PITPNM2: variants seen among roughly 807,000 people sequenced by gnomAD.
The protein encoded by PITPNM2 is phosphatidylinositol transfer protein membrane associated 2, also known as membrane-associated phosphatidylinositol transfer protein 2.
Under a neutral mutation model 132.2 loss-of-function variants are expected in PITPNM2, and 35 were observed. The ratio of observed to expected loss-of-function variants is 0.26; its 90% CI spans 0.20 to 0.35. The LOEUF is 0.35. PITPNM2 is among the 10% of genes least tolerant of loss of function. PITPNM2 has a pLI of 1.00. For synonymous variants in PITPNM2, 738 were observed against 799.2 expected (o/e 0.92, Z 1.29); for missense variants, 1,332 against 1,912.0 (o/e 0.70, Z 5.66).
chr12:123,041,504 C>T (rs1256366882), intron 2 of PITPNM2, among the ~76,000 whole-genome samples: 1 of 152,166 alleles, frequency 6.6e-6, no homozygotes, highest in Non-Finnish European at 1.5e-5. Flanking sequence ...CATGGCAGAC[C>T]CTCCCGTATC....
At chr12:123,135,223 C>T (rs916076806) in intron 1 of PITPNM2, among the ~76,000 whole-genome samples, 6 of 152,114 alleles carry the variant, frequency 3.9e-5, no homozygotes, top group African/African-American at 1.4e-4. Context: ...TTCCCGGTGG[C>T]AGGAACAAAC....
At chr12:123,118,155 A>G (rs1407265010) in intron 1 of PITPNM2, among the ~76,000 whole-genome samples, 1 of 152,274 alleles carries the variant, frequency 6.6e-6, no homozygotes, top group African/African-American at 2.4e-5. Flanking sequence ...CTTAACTAAT[A>G]CATTCACCAA....
At chr12:123,122,561 C>A (rs1222755724) in intron 1 of PITPNM2, among the ~76,000 whole-genome samples, 1 of 152,148 alleles carries the variant, frequency 6.6e-6, no homozygotes, top group Admixed American at 6.5e-5. Context: ...CTGAGCTCCC[C>A]CAAAAACATA....
rs200737841 is a variant in PITPNM2, at chr12:122,995,455, C to T, written c.1988G>A (p.Arg663His). 3.1e-6 allele frequency: 5 copies of T among 1,613,834 alleles called. No individual in the cohort carries two copies. Among genetic ancestry groups the T allele is most frequent in the African/African-American group, 1.3e-5 (1 of 75,062 alleles). Residue 663 changes from arginine (R) to histidine (H), a missense_variant, in exon 14 of 26, where the codon CGC (arginine) becomes CAC (histidine). Arg to His is a conservative substitution (Grantham distance 29). This residue lies in a region of PITPNM2 where 710 missense variants were observed against 911.5 expected (regional missense o/e 0.78). Transcript: ENST00000320201. The stretch of plus-strand genomic sequence containing the variant: ...GTAGGTGGATGAGTCGCTCCTCTTG[C>T]GGGGCAGTTGCCTTTTGGGGTCCTC... The part of the protein sequence containing the change: ...GTEDPKRQLP[R>H]KRSDSSTYEL...
chr12:122,998,953 A>G (rs2038542009), intron 10 of PITPNM2, among the ~76,000 whole-genome samples: 1 of 152,174 alleles, frequency 6.6e-6, no homozygotes, highest in South Asian at 2.1e-4. Context: ...TCTACCAAAA[A>G]TACAAAAATT....
chr12:123,125,143 AG>A (rs989239585), intron 1 of PITPNM2, among the ~76,000 whole-genome samples: 4 of 152,074 alleles, frequency 2.6e-5, no homozygotes, highest in African/African-American at 9.7e-5. Flanking sequence ...TTTTTTTTGT[AG>A]AGATGAGGTC....
At position 123,112,694 on chromosome 12, in the gene PITPNM2, C is replaced by T. The variant is rs558705973; in HGVS notation, c.-199-2206G>A. 4.6e-5 allele frequency among the ~76,000 whole-genome samples: 7 copies of T among 152,118 alleles called. No homozygotes were observed. The East Asian group carries it at 5.8e-4, about 13-fold the overall frequency. On this transcript the variant is annotated intron_variant, in intron 1 of 25. Coordinates refer to ENST00000320201, the MANE Select transcript of PITPNM2 (RefSeq NM_020845.3). ...GCTGGGACTACGGCGACTGCCACCACGCCTGGCTAATTTTTTTGTATTTTT... is the reference window on the plus strand; with the variant it reads ...GCTGGGACTACGGCGACTGCCACCATGCCTGGCTAATTTTTTTGTATTTTT...
intron 10 of PITPNM2, among the ~76,000 whole-genome samples, chr12:122,999,943 C>T (rs145238341): frequency 5.3e-4 from 80 of 152,320 alleles, no homozygotes; most frequent in African/African-American, 1.9e-3. Context: ...GAAAGGGATC[C>T]GTTTGCTTAT....
chr12:123,033,488 C>T (rs1045119476), intron 3 of PITPNM2, among the ~76,000 whole-genome samples: 1 of 152,196 alleles, frequency 6.6e-6, no homozygotes, highest in African/African-American at 2.4e-5. Context: ...GTCTCCTAAG[C>T]AAGAGTCTCT....
At chr12:123,063,339 C>T (rs549171041) in intron 2 of PITPNM2, among the ~76,000 whole-genome samples, 118 of 152,358 alleles carry the variant, frequency 7.7e-4, no homozygotes, top group African/African-American at 1.9e-3. Flanking sequence ...AGGTGGCCTG[C>T]GCCCCTGGCT....
intron 3 of PITPNM2, among the ~76,000 whole-genome samples, chr12:123,029,540 T>A (rs1471896650): frequency 6.6e-6 from 1 of 152,146 alleles, no homozygotes; most frequent in African/African-American, 2.4e-5. Flanking sequence ...GAGCTGAGAT[T>A]ACACCACTGC....
chr12:123,062,632 C>A (rs1358586915), intron 2 of PITPNM2, among the ~76,000 whole-genome samples: 1 of 152,152 alleles, frequency 6.6e-6, no homozygotes, highest in African/African-American at 2.4e-5. Flanking sequence ...ATCCAATAAA[C>A]AAATACATTG....
chr12:123,002,413 T>C (rs974554129), intron 8 of PITPNM2, among the ~76,000 whole-genome samples: 8 of 152,194 alleles, frequency 5.3e-5, no homozygotes, highest in East Asian at 1.9e-4. Context: ...TAAAATTTCT[T>C]ATATATTTTA....
intron 2 of PITPNM2, among the ~76,000 whole-genome samples, chr12:123,050,697 C>T (rs905185473): frequency 3.2e-4 from 48 of 152,206 alleles, no homozygotes; most frequent in African/African-American, 8.4e-4. Flanking sequence ...GCATTGTGAG[C>T]GGTGTGGCCT....
At chr12:123,043,178 TGAG>T (rs1347190118) in intron 2 of PITPNM2, among the ~76,000 whole-genome samples, 3 of 151,820 alleles carry the variant, frequency 2.0e-5, no homozygotes, top group Non-Finnish European at 4.4e-5. Context: ...CCCTTACAAA[TGAG>T]GAGACTAAGG....
At chr12:123,104,403 T>C (rs950668457) in intron 2 of PITPNM2, among the ~76,000 whole-genome samples, 19 of 152,326 alleles carry the variant, frequency 1.2e-4, no homozygotes, top group Admixed American at 1.0e-3. Flanking sequence ...GAAGTGAATA[T>C]GCCCTGCCCC....
chr12:123,144,418 T>C (rs971305316), intron 1 of PITPNM2, among the ~76,000 whole-genome samples: 6 of 152,262 alleles, frequency 3.9e-5, no homozygotes, highest in African/African-American at 1.2e-4. Flanking sequence ...CAATGATACA[T>C]ATTAAATAGG....
intron 2 of PITPNM2, among the ~76,000 whole-genome samples, chr12:123,096,499 C>T (rs570854012): frequency 6.6e-6 from 1 of 152,196 alleles, no homozygotes; most frequent in Non-Finnish European, 1.5e-5. Flanking sequence ...CTGCTTCTAG[C>T]TAGGAAGAGG....
At chr12:123,122,654 C>T (rs1038585974) in intron 1 of PITPNM2, among the ~76,000 whole-genome samples, 1 of 152,146 alleles carries the variant, frequency 6.6e-6, no homozygotes, top group Non-Finnish European at 1.5e-5. Context: ...GTAGCTGCTG[C>T]CCCCACCCTT....
Sources: allele counts gnomAD v4.1 joint callset (sites outside exome capture counted in the v4.1 genomes callset), GRCh38; gene constraint gnomAD v4.1.1; regional missense constraint gnomAD v4.1.1; transcripts MANE v1.5; gene names NCBI Gene and HGNC (gene_info 2026-07-23, HGNC 2026-07-21).